Variants in PRKG1 observed in about 807,000 individuals in gnomAD.
PRKG1 encodes protein kinase cGMP-dependent 1.
A neutral mutation model predicts 88.1 loss-of-function variants in PRKG1; 35 were observed. The observed-to-expected ratio is 0.40, with a 90% CI of 0.30 to 0.53. The LOEUF is 0.53. Among genes scored for constraint, PRKG1 ranks in the 20% least tolerant of loss-of-function variants. The pLI is 0.59. For missense variants in PRKG1, 540 were observed against 839.8 expected (o/e 0.64, Z 4.41); for synonymous variants, 303 against 292.5 (o/e 1.04, Z -0.37).
chr10:52,057,358 A>T (rs1336195691), intron 6 of PRKG1, among the ~76,000 whole-genome samples: 1 of 152,194 alleles, frequency 6.6e-6, no homozygotes. Context: ...TGCAGTGATG[A>T]TGGCTAAAAT....
Position 51,157,804 on chromosome 10 carries a change from AT to A in PRKG1, c.478+4484del, listed in dbSNP as rs568598132. Among the ~76,000 whole-genome samples, 590 of 148,366 alleles carry A rather than the reference AT, an allele frequency of 4.0e-3. 1 individual carries two copies. The highest frequency in any genetic ancestry group is 0.011 in the South Asian group (53 of 4,686). ...TTAAACTTTTTCGATGAAATCATCA[AT>A]TTTTTTTTTGCATTTCAAATTTTAT... is the stretch of plus-strand genomic sequence containing the variant. On this transcript the variant is annotated intron_variant, in intron 2 of 17. Transcript: ENST00000373980.
At chr10:51,459,696 TG>T (rs1376066013) in intron 2 of PRKG1, among the ~76,000 whole-genome samples, 1 of 152,142 alleles carries the variant, frequency 6.6e-6, no homozygotes, top group East Asian at 1.9e-4. Context: ...CAGTCAATGG[TG>T]GAGCCAGGAT....
chr10:51,293,097 A>G (rs1840627295), intron 2 of PRKG1, among the ~76,000 whole-genome samples: 2 of 152,110 alleles, frequency 1.3e-5, no homozygotes, highest in Non-Finnish European at 2.9e-5. Context: ...TATATATTTA[A>G]ATTATACAAC....
At chr10:52,285,107 C>T (rs1325589666) in intron 14 of PRKG1, among the ~76,000 whole-genome samples, 1 of 151,952 alleles carries the variant, frequency 6.6e-6, no homozygotes, top group Non-Finnish European at 1.5e-5. Flanking sequence ...GAAGCCAGTC[C>T]CTGCCCCTCT....
intron 2 of PRKG1, among the ~76,000 whole-genome samples, chr10:51,450,673 G>C (rs543978247): frequency 1.3e-5 from 2 of 151,848 alleles, no homozygotes; most frequent in Non-Finnish European, 2.9e-5. Context: ...CTAATAAACA[G>C]TTGCAGCTAT....
intron 2 of PRKG1, among the ~76,000 whole-genome samples, chr10:51,421,329 T>C (rs1340007842): frequency 1.3e-5 from 2 of 152,094 alleles, no homozygotes; most frequent in Non-Finnish European, 2.9e-5. Flanking sequence ...CATGTCACCA[T>C]GCCTAGCTAA....
chr10:52,054,629 G>A (rs1165856849), intron 6 of PRKG1, 68 bp downstream of exon 6: 3 of 1,287,304 alleles, frequency 2.3e-6, no homozygotes, highest in Admixed American at 1.7e-5. Flanking sequence ...ACTCCAGTAG[G>A]AACACATGCA....
intron 2 of PRKG1, among the ~76,000 whole-genome samples, chr10:51,187,863 ACCCAAAACT>A (rs1837533466): frequency 6.6e-6 from 1 of 151,992 alleles, no homozygotes; most frequent in Admixed American, 6.6e-5. Context: ...GGTTAAAATT[ACCCAAAACT>A]TGTTAGATCT....
chr10:51,911,547 T>C (rs183215970), intron 5 of PRKG1, among the ~76,000 whole-genome samples: 291 of 152,316 alleles, frequency 1.9e-3, no homozygotes, highest in African/African-American at 6.6e-3. Flanking sequence ...TCCATACCAA[T>C]GCTGAATTAA....
chr10:51,035,064 TGGTAACG>T (rs1843336489), intron 1 of PRKG1, among the ~76,000 whole-genome samples: 3 of 152,018 alleles, frequency 2.0e-5, no homozygotes, highest in African/African-American at 7.2e-5. Context: ...TCAGAGATGA[TGGTAACG>T]GTCGTAAAAG....
chr10:52,020,667 G>T (rs1845160254), intron 5 of PRKG1, among the ~76,000 whole-genome samples: 1 of 151,998 alleles, frequency 6.6e-6, no homozygotes, highest in Admixed American at 6.6e-5. Flanking sequence ...AGGGTGGGCT[G>T]CCCACCTGTG....
intron 9 of PRKG1, among the ~76,000 whole-genome samples, chr10:52,207,412 C>T (rs551376817): frequency 6.6e-6 from 1 of 152,250 alleles, no homozygotes; most frequent in South Asian, 2.1e-4. Context: ...AGCTCCAGTA[C>T]AGGCCAGCAG....
intron 3 of PRKG1, among the ~76,000 whole-genome samples, chr10:51,759,454 A>G (rs928773477): frequency 6.6e-6 from 1 of 152,046 alleles, no homozygotes; most frequent in Non-Finnish European, 1.5e-5. Context: ...TTTAGCAGAG[A>G]TGGGGTTTCA....
At chr10:51,248,364 G>T (rs1839345945) in intron 2 of PRKG1, among the ~76,000 whole-genome samples, 1 of 151,804 alleles carries the variant, frequency 6.6e-6, no homozygotes, top group South Asian at 2.1e-4. Context: ...GTAATATTTG[G>T]GTTGGAAGAG....
At position 52,045,669 on chromosome 10, in the gene PRKG1, C is replaced by T. The variant is rs1040032818; in HGVS notation, c.763-8815C>T. ...CTTGAGGGACAGTGATGGACAGGCT[C>T]TCTATCCAGAAGTCTTAGATAACTA... On this transcript the variant is annotated intron_variant, in intron 5 of 17. Coordinates refer to ENST00000373980, the MANE Select transcript of PRKG1 (RefSeq NM_006258.4). Among the ~76,000 whole-genome samples the T allele has an allele frequency of 3.3e-5, 5 of 152,042 alleles. No individual in the cohort carries two copies. In the East Asian group the frequency reaches 7.7e-4, roughly 24 times the overall value.
Position 51,041,171 on chromosome 10 carries a change from A to G in PRKG1, c.266+49527A>G, listed in dbSNP as rs576193419. Among the ~76,000 whole-genome samples, 58 of 152,138 alleles carry G rather than the reference A, an allele frequency of 3.8e-4. 1 individual carries two copies. Among genetic ancestry groups the G allele is most frequent in the African/African-American group, 1.2e-3 (50 of 41,530 alleles). On this transcript the variant is annotated intron_variant, in intron 1 of 17. Coordinates refer to the PRKG1 transcript ENST00000401604. ...TCATTCAAGGCCCAAGGGATCTTCA[A>G]TCAGCTTGTGGTGAATGATGCCAGG...
chr10:52,156,147 A>G (rs567537450), intron 8 of PRKG1, among the ~76,000 whole-genome samples: 1 of 152,098 alleles, frequency 6.6e-6, no homozygotes, highest in Admixed American at 6.5e-5. Flanking sequence ...CAAACATCTA[A>G]TACTCTGGTG....
intron 2 of PRKG1, among the ~76,000 whole-genome samples, chr10:51,196,533 A>G (rs538919160): frequency 3.3e-5 from 5 of 152,330 alleles, no homozygotes; most frequent in African/African-American, 9.6e-5. Flanking sequence ...ACCAACTTTT[A>G]TGCATGTTAA....
chr10:52,262,716 A>C (rs1450725245), intron 10 of PRKG1, among the ~76,000 whole-genome samples: 1 of 152,060 alleles, frequency 6.6e-6, no homozygotes, highest in African/African-American at 2.4e-5. Context: ...TGTCCTCACC[A>C]ATACCTCTTC....
Sources: allele counts gnomAD v4.1 joint callset (sites outside exome capture counted in the v4.1 genomes callset), GRCh38; gene constraint gnomAD v4.1.1; transcripts MANE v1.5; gene names NCBI Gene and HGNC (gene_info 2026-07-23, HGNC 2026-07-21).